IL1RAPL2: variants seen among roughly 807,000 people sequenced by gnomAD.
IL1RAPL2 encodes the protein X-linked interleukin-1 receptor accessory protein-like 2.
Under a neutral mutation model 44.1 loss-of-function variants are expected in IL1RAPL2, and 3 were observed. The ratio of observed to expected loss-of-function variants is 0.07; its 90% CI spans 0.03 to 0.18. The LOEUF (loss-of-function observed/expected upper bound fraction) is 0.18. Among genes scored for constraint, IL1RAPL2 ranks in the 10% least tolerant of loss-of-function variants. The probability of loss-of-function intolerance (pLI) is 1.00; values close to 1 mark genes in which losing one functional copy is unlikely to be tolerated. For synonymous variants in IL1RAPL2, 181 were observed against 178.8 expected (o/e 1.01, Z -0.10); for missense variants, 391 against 496.4 (o/e 0.79, Z 2.02).
intron 6 of IL1RAPL2, among the ~76,000 whole-genome samples, chrX:105,560,889 T>C (rs757661819): frequency 9.1e-6 from 1 of 110,142 alleles, no homozygotes; most frequent in Admixed American, 9.7e-5. Context: ...ATGTTTATAT[T>C]ATATATACAC....
intron 5 of IL1RAPL2, among the ~76,000 whole-genome samples, chrX:105,295,536 T>G (rs182911748): frequency 6.7e-4 from 75 of 111,776 alleles, no homozygotes; most frequent in East Asian, 5.9e-3. Flanking sequence ...AAGCCATGAG[T>G]TACATGACCC....
Position 104,592,082 on chromosome X carries a change from G to T in IL1RAPL2, c.-20+25031G>T, listed in dbSNP as rs1274995062. Among the ~76,000 whole-genome samples the T allele has an allele frequency of 2.8e-5, 3 of 105,440 alleles. No individual in the cohort carries two copies. In the Admixed American group the frequency reaches 3.2e-4, roughly 11 times the overall value. 91.6% of individuals were successfully genotyped at this position (105,440 alleles called of 115,157 possible). ...GTTTGTTTTTGTAAACTGAAGCAGT[G>T]TTGACATTTTCTATCCTTTTGTGGC... On this transcript the variant is annotated intron_variant, in intron 1 of 10. Transcript: ENST00000372582.
intron 6 of IL1RAPL2, among the ~76,000 whole-genome samples, chrX:105,579,754 C>T (rs1158953058): frequency 8.9e-5 from 10 of 111,877 alleles, no homozygotes; most frequent in African/African-American, 2.6e-4. Context: ...GAAGCCAGTA[C>T]TCAATTCTGG....
intron 10 of IL1RAPL2, among the ~76,000 whole-genome samples, chrX:105,764,274 C>T (rs1393844668): frequency 9.0e-6 from 1 of 111,339 alleles, no homozygotes; most frequent in African/African-American, 3.3e-5. Context: ...CCCCAAGAAC[C>T]CTAAATATTG....
intron 7 of IL1RAPL2, among the ~76,000 whole-genome samples, chrX:105,735,718 G>C (rs181541907): frequency 9.0e-6 from 1 of 111,155 alleles, no homozygotes; most frequent in Non-Finnish European, 1.9e-5. Flanking sequence ...TGTGTACATC[G>C]TGTCTCCTCA....
At chrX:104,847,060 T>A (rs1922072037) in intron 2 of IL1RAPL2, among the ~76,000 whole-genome samples, 1 of 111,997 alleles carries the variant, frequency 8.9e-6, no homozygotes, top group South Asian at 3.7e-4. Context: ...TTCTTGTAAA[T>A]TTGTTTGAGT....
rs58155033 is a variant in IL1RAPL2, at chrX:104,842,121, C to T, written c.82+183126C>T. Among the ~76,000 whole-genome samples, 702 of 109,334 alleles carry T rather than the reference C, an allele frequency of 6.4e-3. 3 individuals are homozygous for T. The highest frequency in any genetic ancestry group is 0.022 in the African/African-American group (668 of 30,060). The allele number at this position is 109,334 out of a possible 115,157, so 94.9% of individuals were successfully genotyped here. On this transcript the variant is annotated intron_variant, in intron 2 of 10. Coordinates refer to ENST00000372582, the MANE Select transcript of IL1RAPL2 (RefSeq NM_017416.2). ...TTTTTTCTTTAATCTTGTCTACATG[C>T]CTTATTTCAGCAAGGTGGTCTTCAA...
At chrX:104,881,961 A>T in intron 2 of IL1RAPL2, among the ~76,000 whole-genome samples, 1 of 112,326 alleles carries the variant, frequency 8.9e-6, no homozygotes, top group Non-Finnish European at 1.9e-5. Flanking sequence ...TTTAGTTTTT[A>T]AAAATGCTAC....
In IL1RAPL2 at chrX:105,767,172, A is replaced by G; in HGVS notation, c.1572A>G (p.Leu524=). Residue 524 remains leucine, a synonymous_variant, in exon 11 of 11, where the codon CTA becomes CTG. Coordinates refer to ENST00000372582, the MANE Select transcript of IL1RAPL2 (RefSeq NM_017416.2). ...TGAATTGCCAGGAAGTGGAATCACT[A>G]AAGCGTAGCATCAAACTTCTGTCCC... ...GKVNCQEVES[L]KRSIKLLSLI... is the part of the protein sequence containing the mutation. 8.3e-7 allele frequency: 1 copy of G among 1,210,168 alleles called. No individual in the cohort carries two copies. The highest frequency in any genetic ancestry group is 1.1e-6 in the Non-Finnish European group (1 of 893,926).
chrX:105,329,988 T>C (rs2034973488), intron 5 of IL1RAPL2, among the ~76,000 whole-genome samples: 2 of 111,300 alleles, frequency 1.8e-5, no homozygotes, highest in African/African-American at 6.5e-5. Context: ...ATAGCACCTG[T>C]CCAGAGTGTT....
chrX:105,265,180 G>C (rs1467649378), intron 4 of IL1RAPL2, among the ~76,000 whole-genome samples: 1 of 112,041 alleles, frequency 8.9e-6, no homozygotes, highest in Admixed American at 9.4e-5. Flanking sequence ...CTTTGAATGA[G>C]TGTGTGGGCT....
At chrX:104,953,177 C>A (rs1925631014) in intron 2 of IL1RAPL2, among the ~76,000 whole-genome samples, 1 of 111,561 alleles carries the variant, frequency 9.0e-6, no homozygotes, top group Non-Finnish European at 1.9e-5. Flanking sequence ...TTGTTCATGG[C>A]AGAGAGGTTA....
At chrX:105,708,874 C>T (rs1328071366) in intron 6 of IL1RAPL2, among the ~76,000 whole-genome samples, 1 of 112,040 alleles carries the variant, frequency 8.9e-6, no homozygotes, top group Admixed American at 9.5e-5. Context: ...TTTTTAGTTT[C>T]TTTCCTTCAC....
intron 2 of IL1RAPL2, among the ~76,000 whole-genome samples, chrX:105,003,713 C>T (rs1003074086): frequency 4.5e-5 from 5 of 110,049 alleles, no homozygotes; most frequent in African/African-American, 1.7e-4. Flanking sequence ...GATTCTGCAA[C>T]TCTGTTTTAG....
Position 104,855,681 on chromosome X carries a change from G to GTGTTTTTTTTTTTTTT in IL1RAPL2, c.82+196687_82+196688insGTTTTTTTTTTTTTTT. ...TTAACTGTGCTAAGGATCTGGATCC[G>GTGTTTTTTTTTTTTTT]TTTTTTTTTTTTTTTTTACTGTATC... On this transcript the variant is annotated intron_variant, in intron 2 of 10. Transcript: ENST00000372582. 2.0e-3 allele frequency among the ~76,000 whole-genome samples: 109 copies of GTGTTTTTTTTTTTTTT among 53,853 alleles called. 24 individuals are homozygous for GTGTTTTTTTTTTTTTT. Among genetic ancestry groups the GTGTTTTTTTTTTTTTT allele is most frequent in the Non-Finnish European group, 3.3e-3 (82 of 24,615 alleles). The allele number at this position is 53,853 out of a possible 115,157, so 46.8% of individuals were successfully genotyped here. A position where few individuals can be genotyped will look rare whatever the true frequency, so the allele number is the denominator to read the frequency against.
chrX:105,721,514 G>A (rs2038304371), intron 7 of IL1RAPL2, among the ~76,000 whole-genome samples: 1 of 111,560 alleles, frequency 9.0e-6, no homozygotes, highest in Non-Finnish European at 1.9e-5. Context: ...TGTTCTGCAG[G>A]ATTATTTAAC....
At chrX:104,608,091 A>G (rs1929056904) in intron 1 of IL1RAPL2, among the ~76,000 whole-genome samples, 1 of 111,466 alleles carries the variant, frequency 9.0e-6, no homozygotes, top group South Asian at 3.8e-4. Flanking sequence ...GACATTGATG[A>G]AGCAGAAAAC....
intron 5 of IL1RAPL2, among the ~76,000 whole-genome samples, chrX:105,419,448 A>G (rs2035758454): frequency 9.0e-6 from 1 of 111,649 alleles, no homozygotes. Context: ...ATATCTACCA[A>G]GGATTCCACG....
At chrX:105,290,844 C>G (rs991535663) in intron 5 of IL1RAPL2, among the ~76,000 whole-genome samples, 1 of 111,398 alleles carries the variant, frequency 9.0e-6, no homozygotes, top group Non-Finnish European at 1.9e-5. Flanking sequence ...GCCTCACTTA[C>G]ACTTGATGGA....
Sources: gnomAD v4.1 joint callset for allele counts (sites outside exome capture counted in the v4.1 genomes callset) on GRCh38, gnomAD v4.1.1 for gene constraint, MANE v1.5 for transcripts, NCBI Gene and HGNC (gene_info 2026-07-23, HGNC 2026-07-21) for gene names.